The following EFCAB6 variants were observed in gnomAD, a reference collection of about 807,000 sequenced individuals.
EFCAB6 encodes EF-hand calcium-binding domain-containing protein 6.
EFCAB6 carries 156 observed loss-of-function variants against 169.8 expected under a neutral mutation model. The ratio of observed to expected loss-of-function variants is 0.92; its 90% CI spans 0.81 to 1.05. EFCAB6 has a LOEUF of 1.05. EFCAB6 is among the 50% of genes least tolerant of loss of function. EFCAB6 has a pLI of 0.00. For synonymous variants in EFCAB6, 698 were observed against 676.4 expected, an observed-to-expected ratio of 1.03 and a Z score of -0.50; for missense variants, 1,800 against 1,829.1, an observed-to-expected ratio of 0.98 and a Z score of 0.29.
intron 3 of EFCAB6, among the ~76,000 whole-genome samples, chr22:43,776,284 T>C (rs1326640919): frequency 6.6e-6 from 1 of 152,178 alleles, no homozygotes; most frequent in East Asian, 1.9e-4. Context: ...GAAGTGGAAT[T>C]GATTCATTCG....
At chr22:43,566,192 C>G (rs1308017741) in intron 26 of EFCAB6, among the ~76,000 whole-genome samples, 1 of 152,160 alleles carries the variant, frequency 6.6e-6, no homozygotes, top group Non-Finnish European at 1.5e-5. Context: ...AGGTTATTGC[C>G]TGATGGGAGT....
At chr22:43,747,449 T>C (rs1450473505) in intron 6 of EFCAB6, among the ~76,000 whole-genome samples, 3 of 152,138 alleles carry the variant, frequency 2.0e-5, no homozygotes, top group Non-Finnish European at 4.4e-5. Context: ...GTTAACTGTA[T>C]GTAGAGGGTG....
chr22:43,635,338 C>T, intron 17 of EFCAB6, 122 bp from the exon 18 acceptor site: 1 of 729,166 alleles, frequency 1.4e-6, no homozygotes, highest in Middle Eastern at 3.7e-4. Context: ...TTGTCTGACC[C>T]CACCCACAGG....
At chr22:43,559,347 A>C (rs1281309113) in intron 26 of EFCAB6, among the ~76,000 whole-genome samples, 1 of 152,244 alleles carries the variant, frequency 6.6e-6, no homozygotes, top group East Asian at 1.9e-4. Flanking sequence ...GTGATTATTA[A>C]GAAGTCAGGA....
At chr22:43,684,312 T>C (rs2058109510) in intron 11 of EFCAB6, among the ~76,000 whole-genome samples, 1 of 152,178 alleles carries the variant, frequency 6.6e-6, no homozygotes, top group Non-Finnish European at 1.5e-5. Flanking sequence ...TCCCTTTCTG[T>C]TGACAATGAC....
At chr22:43,649,844 G>T (rs2056377410) in intron 17 of EFCAB6, among the ~76,000 whole-genome samples, 2 of 152,224 alleles carry the variant, frequency 1.3e-5, no homozygotes, top group African/African-American at 4.8e-5. Flanking sequence ...TAATCTGGGA[G>T]CAGGGCAAGG....
intron 7 of EFCAB6, among the ~76,000 whole-genome samples, chr22:43,733,169 C>T (rs2060014681): frequency 6.6e-6 from 1 of 152,144 alleles, no homozygotes; most frequent in African/African-American, 2.4e-5. Context: ...TAAAGAGCTT[C>T]ATCTTTCATC....
chr22:43,632,401 G>T (rs1225198024), intron 18 of EFCAB6, among the ~76,000 whole-genome samples, 163 bp from the exon 19 acceptor site: 2 of 147,866 alleles, frequency 1.4e-5, no homozygotes, highest in Non-Finnish European at 3.0e-5. Flanking sequence ...CTGGGTTCAA[G>T]CGAGTCTCCT....
chr22:43,755,975 G>A lies in EFCAB6; in HGVS notation c.441-143C>T, dbSNP rs1262393637. 6 of 831,872 alleles carry A rather than the reference G, an allele frequency of 7.2e-6. No homozygotes were observed. In the South Asian group the frequency reaches 1.1e-4, roughly 16 times the overall value. 51.5% of individuals were successfully genotyped at this position (831,872 alleles called of 1,614,324 possible). A position where few individuals can be genotyped will look rare whatever the true frequency, so the allele number is the denominator to read the frequency against. ...ATTTCTTACAAGCTACTGTCTGCAG[G>A]AGCATGAAACTGGGCAAATTACTTT... is the stretch of plus-strand genomic sequence containing the variant. On this transcript the variant is annotated intron_variant, in intron 5 of 31. Coordinates refer to ENST00000262726, the MANE Select transcript of EFCAB6 (RefSeq NM_022785.4).
intron 19 of EFCAB6, among the ~76,000 whole-genome samples, chr22:43,630,027 A>C (rs1274827818): frequency 1.3e-5 from 2 of 152,214 alleles, no homozygotes; most frequent in African/African-American, 4.8e-5. Context: ...GGCCAGGGAC[A>C]GTGGCTCATG....
chr22:43,636,921 A>T lies in EFCAB6; in HGVS notation c.1984-1705T>A, dbSNP rs150988546. Among the ~76,000 whole-genome samples the T allele has an allele frequency of 1.8e-3, 278 of 152,218 alleles. 1 individual carries two copies. Among genetic ancestry groups the T allele is most frequent in the African/African-American group, 6.6e-3 (276 of 41,538 alleles). On this transcript the variant is annotated intron_variant, in intron 17 of 31. Coordinates refer to ENST00000262726, the MANE Select transcript of EFCAB6 (RefSeq NM_022785.4). ...CCCGTCCTCAAACCTCATTCTTCTT[A>T]TTAACCACTGTGATGAGATCTACTT...
At chr22:43,677,126 T>C (rs191767596) in intron 13 of EFCAB6, among the ~76,000 whole-genome samples, 1 of 152,190 alleles carries the variant, frequency 6.6e-6, no homozygotes, top group South Asian at 2.1e-4. Flanking sequence ...TATCTGAAAT[T>C]GATAAAGTTC....
chr22:43,660,390 G>C (rs2056945403), intron 17 of EFCAB6, among the ~76,000 whole-genome samples: 1 of 152,002 alleles, frequency 6.6e-6, no homozygotes, highest in Non-Finnish European at 1.5e-5. Flanking sequence ...AATGCCTACT[G>C]AGAGAAAAGG....
chr22:43,683,679 C>T (rs1286913882), intron 12 of EFCAB6, 68 bp downstream of exon 12: 3 of 1,156,002 alleles, frequency 2.6e-6, no homozygotes, highest in Non-Finnish European at 3.9e-6. Flanking sequence ...TGTTATTGGT[C>T]TTGTTCTGAG....
At chr22:43,600,608 T>C (rs1192172150) in intron 22 of EFCAB6, among the ~76,000 whole-genome samples, 1 of 152,080 alleles carries the variant, frequency 6.6e-6, no homozygotes, top group Admixed American at 6.5e-5. Flanking sequence ...CAGTTGTGAC[T>C]ACAGAAAATT....
At chr22:43,585,986 T>C (rs2051040145) in intron 24 of EFCAB6, among the ~76,000 whole-genome samples, 1 of 152,214 alleles carries the variant, frequency 6.6e-6, no homozygotes, top group African/African-American at 2.4e-5. Flanking sequence ...GAGACTTTAT[T>C]ACCAGCAGCC....
intron 10 of EFCAB6, 94 bp downstream of exon 10, chr22:43,711,381 T>C: frequency 7.7e-7 from 1 of 1,302,772 alleles, no homozygotes; most frequent in African/African-American, 1.5e-5. Context: ...TAATAAAAAG[T>C]CTAAAACATT....
intron 3 of EFCAB6, among the ~76,000 whole-genome samples, chr22:43,774,989 T>C (rs2061592816): frequency 6.7e-6 from 1 of 149,966 alleles, no homozygotes; most frequent in Non-Finnish European, 1.5e-5. Context: ...GGAAGGAGAG[T>C]GATGGGGTGG....
intron 17 of EFCAB6, among the ~76,000 whole-genome samples, chr22:43,665,540 C>T (rs1450526213): frequency 1.3e-5 from 2 of 152,292 alleles, no homozygotes; most frequent in South Asian, 2.1e-4. Context: ...TTATGCATTA[C>T]GGACAAGGAC....
Sources: gnomAD v4.1 joint callset for allele counts (sites outside exome capture counted in the v4.1 genomes callset) on GRCh38, gnomAD v4.1.1 for gene constraint, MANE v1.5 for transcripts, NCBI Gene and HGNC (gene_info 2026-07-23, HGNC 2026-07-21) for gene names.